Variants in PAK1 observed in about 807,000 individuals in gnomAD.
PAK1 encodes serine/threonine-protein kinase PAK 1.
Under a neutral mutation model 67.4 loss-of-function variants are expected in PAK1, and 29 were observed. That is an observed-to-expected ratio of 0.43 (90% CI 0.32 to 0.59). The LOEUF is 0.59. Among genes scored for constraint, PAK1 ranks in the 20% least tolerant of loss-of-function variants. The pLI is 0.07. For missense variants in PAK1, 337 were observed against 670.7 expected, an observed-to-expected ratio of 0.50 and a Z score of 5.50; for synonymous variants, 223 against 237.4, an observed-to-expected ratio of 0.94 and a Z score of 0.56.
At chr11:77,459,698 T>C (rs1215049431) in intron 1 of PAK1, among the ~76,000 whole-genome samples, 1 of 149,726 alleles carries the variant, frequency 6.7e-6, no homozygotes. Context: ...TTCTTTTTTT[T>C]TTTTTTTTTT....
chr11:77,324,287 C>T (rs2135949773), intron 14 of PAK1, among the ~76,000 whole-genome samples: 1 of 151,688 alleles, frequency 6.6e-6, no homozygotes, highest in South Asian at 2.1e-4. Context: ...ATTCTCCTGC[C>T]TCAACCTCCC....
intron 1 of PAK1, among the ~76,000 whole-genome samples, chr11:77,438,888 T>C (rs534540013): frequency 1.3e-5 from 2 of 152,310 alleles, no homozygotes; most frequent in East Asian, 3.9e-4. Flanking sequence ...AAATAAATTA[T>C]TTTAATAAAA....
At chr11:77,340,325 A>G (rs75592475) in intron 11 of PAK1, among the ~76,000 whole-genome samples, 6,081 of 152,292 alleles carry the variant, frequency 0.04, 395 homozygotes, top group African/African-American at 0.14. Context: ...ATGCCCAGAT[A>G]AAAGAGATAA....
intron 9 of PAK1, among the ~76,000 whole-genome samples, chr11:77,346,832 A>C (rs1944496322): frequency 6.6e-6 from 1 of 152,238 alleles, no homozygotes; most frequent in African/African-American, 2.4e-5. Flanking sequence ...CTAAGGTCAT[A>C]ATCAATGCCT....
At chr11:77,388,805 C>T (rs1225887265) in intron 2 of PAK1, among the ~76,000 whole-genome samples, 1 of 152,194 alleles carries the variant, frequency 6.6e-6, no homozygotes, top group Non-Finnish European at 1.5e-5. Context: ...AATATCTAGA[C>T]CCCCACTTTC....
chr11:77,507,480 A>G, the PAK1 span, among the ~76,000 whole-genome samples: 1 of 152,166 alleles, frequency 6.6e-6, no homozygotes, highest in Non-Finnish European at 1.5e-5. Context: ...TTTATAAAAC[A>G]TGCCTTCTCA....
At chr11:77,331,807 A>G (rs1941598030) in intron 14 of PAK1, among the ~76,000 whole-genome samples, 1 of 140,112 alleles carries the variant, frequency 7.1e-6, no homozygotes, top group African/African-American at 2.5e-5. Flanking sequence ...TGTAAAAAAA[A>G]AAGAATTAAA....
chr11:77,459,374 A>G (rs544540758), intron 1 of PAK1, among the ~76,000 whole-genome samples: 1 of 152,322 alleles, frequency 6.6e-6, no homozygotes, highest in South Asian at 2.1e-4. Context: ...TCTAAATCAG[A>G]GCAGAAAGGA....
chr11:77,529,537 T>A, the PAK1 span, among the ~76,000 whole-genome samples: 1 of 152,192 alleles, frequency 6.6e-6, no homozygotes, highest in African/African-American at 2.4e-5. Flanking sequence ...ACATTCCTTG[T>A]AGCTTTTGTC....
At chr11:77,509,036 C>T in the PAK1 span, among the ~76,000 whole-genome samples, 3 of 147,382 alleles carry the variant, frequency 2.0e-5, no homozygotes, top group African/African-American at 5.0e-5. Context: ...TTTGGGAGGC[C>T]GAGGCGGGCG....
intron 1 of PAK1, among the ~76,000 whole-genome samples, chr11:77,445,158 A>G (rs1956541187): frequency 6.6e-6 from 1 of 152,180 alleles, no homozygotes; most frequent in Non-Finnish European, 1.5e-5. Context: ...CACAGAGATA[A>G]GATTAGGTGA....
At chr11:77,501,007 C>T in the PAK1 span, among the ~76,000 whole-genome samples, 10 of 151,530 alleles carry the variant, frequency 6.6e-5, no homozygotes, top group South Asian at 1.5e-3. Context: ...GGTAATTAGC[C>T]GGGCGTGGTG....
At chr11:77,520,648 A>T in the PAK1 span, among the ~76,000 whole-genome samples, 10 of 152,170 alleles carry the variant, frequency 6.6e-5, no homozygotes, top group Non-Finnish European at 1.0e-4. Flanking sequence ...AGTGTCCCGT[A>T]CTATGGAGAC....
At chr11:77,497,784 C>G in the PAK1 span, among the ~76,000 whole-genome samples, 1 of 152,196 alleles carries the variant, frequency 6.6e-6, no homozygotes, top group Non-Finnish European at 1.5e-5. Flanking sequence ...GTCTTAGTTT[C>G]CTTTGCATTT....
chr11:77,425,878 G>T (rs559456779), intron 1 of PAK1, among the ~76,000 whole-genome samples: 1 of 152,006 alleles, frequency 6.6e-6, no homozygotes, highest in Non-Finnish European at 1.5e-5. Context: ...CTAAGGCAGG[G>T]GGATCGCTTG....
intron 1 of PAK1, among the ~76,000 whole-genome samples, chr11:77,447,718 G>T (rs1437417748): frequency 6.6e-6 from 1 of 151,814 alleles, no homozygotes; most frequent in Non-Finnish European, 1.5e-5. Context: ...AGAGACGGGG[G>T]TTTCATCATG....
At chr11:77,386,394 A>C (rs1357556050) in intron 2 of PAK1, among the ~76,000 whole-genome samples, 1 of 152,204 alleles carries the variant, frequency 6.6e-6, no homozygotes, top group Non-Finnish European at 1.5e-5. Flanking sequence ...GTGAAAATGC[A>C]GCCAGAAAAA....
At chr11:77,451,994 C>T (rs950999374) in intron 1 of PAK1, among the ~76,000 whole-genome samples, 1 of 152,136 alleles carries the variant, frequency 6.6e-6, no homozygotes, top group Admixed American at 6.5e-5. Flanking sequence ...TATTAATGTC[C>T]TCAAAACAAC....
At chr11:77,392,568 ACT>A (rs1951273845) in intron 1 of PAK1, 27 bp from the exon 2 acceptor site, 1 of 1,491,442 alleles carries the variant, frequency 6.7e-7, no homozygotes, top group African/African-American at 1.4e-5. Context: ...GAACAATATA[ACT>A]CTTTTATTAT....
Sources: allele counts gnomAD v4.1 joint callset (sites outside exome capture counted in the v4.1 genomes callset), GRCh38; gene constraint gnomAD v4.1.1; transcripts MANE v1.5; gene names NCBI Gene and HGNC (gene_info 2026-07-23, HGNC 2026-07-21).